DARS2: variants seen among roughly 807,000 people sequenced by gnomAD.
The protein encoded by DARS2 is aspartate--tRNA ligase, mitochondrial.
In DARS2, 63 loss-of-function variants were observed where a neutral mutation model predicts 83.0. The ratio of observed to expected loss-of-function variants is 0.76; its 90% CI spans 0.62 to 0.94. The LOEUF (loss-of-function observed/expected upper bound fraction) is 0.94, where lower values mean the gene tolerates loss of function less well. Ranked by LOEUF, DARS2 falls within the 40% of genes least tolerant of loss-of-function variation. The pLI, the probability that DARS2 is intolerant of heterozygous loss-of-function variation, is 0.00. For missense variants in DARS2, 675 were observed against 774.4 expected (o/e 0.87, Z 1.52); for synonymous variants, 250 against 269.3 (o/e 0.93, Z 0.70).
intron 1 of DARS2, 51 bp from the exon 2 acceptor site, chr1:173,826,636 T>A: frequency 7.4e-7 from 1 of 1,343,980 alleles, no homozygotes; most frequent in Non-Finnish European, 1.0e-6. Context: ...CTGCAAGTGA[T>A]GTATTTTTAA....
Position 173,857,586 on chromosome 1 carries a change from T to A in DARS2, c.1819T>A (p.Ser607Thr). Reference protein sequence around the residue: ...SIRDVIAFPKSFRGHDLMSNT... With the variant: ...SIRDVIAFPKTFRGHDLMSNT... ...CAGAGATGTCATAGCCTTCCCAAAG[T>A]CCTTCCGGGGACATGACCTCATGAG... The change falls in exon 17 of 17, where the codon TCC becomes ACC. Residue 607 changes from serine to threonine, a missense_variant. Physicochemically the swap from Ser to Thr is moderately conservative, Grantham distance 58. Transcript: ENST00000649689. 6.2e-7 allele frequency: 1 copy of A among 1,614,180 alleles called. No homozygotes were observed. The highest frequency in any genetic ancestry group is 8.5e-7 in the Non-Finnish European group (1 of 1,180,026).
At chr1:173,855,738 C>T (rs1244809206) in intron 15 of DARS2, among the ~76,000 whole-genome samples, 16 of 152,014 alleles carry the variant, frequency 1.1e-4, no homozygotes, top group Admixed American at 9.8e-4. Flanking sequence ...CTGCAACCTC[C>T]GCCTCCCAGG....
chr1:173,844,232 A>G (rs74924413), intron 11 of DARS2, among the ~76,000 whole-genome samples: 2,089 of 152,322 alleles, frequency 0.014, 49 homozygotes, highest in African/African-American at 0.046. Flanking sequence ...AGATTTTAAG[A>G]AACCTCAAAT....
rs1469160736 is a variant in DARS2 at position 173,833,433 on chromosome 1, C to A, written c.550C>A (p.Gln184Lys). 6 of 1,613,892 alleles carry A rather than the reference C, an allele frequency of 3.7e-6. No individual in the cohort carries two copies. The highest frequency in any genetic ancestry group is 1.6e-4 in the Middle Eastern group (1 of 6,062). The change falls in exon 6 of 17, where the codon CAG becomes AAG. Residue 184 changes from glutamine to lysine, a missense_variant. By Grantham distance (53) the Gln-to-Lys change is moderately conservative. Transcript: ENST00000649689. ...CTTAGACTTGCGTAGTTTCCAAATG[C>A]AGTATAACCTGCGACTGAGGTCCCA... ...RYLDLRSFQM[Q>K]YNLRLRSQMV...
At chr1:173,844,955 G>C (rs1188846186) in intron 11 of DARS2, among the ~76,000 whole-genome samples, 1 of 151,122 alleles carries the variant, frequency 6.6e-6, no homozygotes, top group African/African-American at 2.4e-5. Context: ...CACCATACCA[G>C]ACTAATTTTT....
At position 173,857,998 on chromosome 1, in the gene DARS2, A is replaced by G; in HGVS notation, c.*293A>G. The G allele has an allele frequency of 2.5e-6, 1 of 400,462 alleles. No homozygotes were observed. Among genetic ancestry groups the G allele is most frequent in the East Asian group, 5.5e-5 (1 of 18,062 alleles). The allele number at this position is 400,462 out of a possible 1,614,324, so 24.8% of individuals were successfully genotyped here. ...ATAATATAGTGGTTTAGTGTTTTCAAATCATGTTTCTCATACCCAGATAGT... is the reference window on the plus strand; with the variant it reads ...ATAATATAGTGGTTTAGTGTTTTCAGATCATGTTTCTCATACCCAGATAGT... On this transcript the variant is annotated 3_prime_UTR_variant, in exon 17 of 17. Transcript: ENST00000649689.
At chr1:173,826,453 AAC>A (rs972054106) in intron 1 of DARS2, among the ~76,000 whole-genome samples, 4 of 152,182 alleles carry the variant, frequency 2.6e-5, no homozygotes, top group African/African-American at 9.6e-5. Context: ...TTGATTTCCT[AAC>A]ACAAGACAGA....
intron 7 of DARS2, among the ~76,000 whole-genome samples, chr1:173,836,521 T>G (rs1490417285): frequency 6.6e-6 from 1 of 150,416 alleles, no homozygotes; most frequent in Non-Finnish European, 1.5e-5. Flanking sequence ...CCAGCCTGGG[T>G]GACAAGAGCA....
In DARS2 at chr1:173,825,239, C is replaced by T; in HGVS notation, c.10C>T (p.Pro4Ser). The change falls in exon 1 of 17, where the codon CCT becomes TCT. Residue 4 changes from proline (P) to serine (S), a missense_variant. Coordinates refer to ENST00000649689, the MANE Select transcript of DARS2 (RefSeq NM_018122.5). ...ATCGTGTGGCTCCAACATGTACTTC[C>T]CTTCTTGGTTAAGTCAGCTGTACAG... is the stretch of plus-strand genomic sequence containing the variant. MYF[P>S]SWLSQLYRGL... is the part of the protein sequence containing the mutation. 6.2e-7 allele frequency: 1 copy of T among 1,612,572 alleles called. No individual in the cohort carries two copies. The highest frequency in any genetic ancestry group is 1.1e-5 in the South Asian group (1 of 91,066).
rs1653753933 is a variant in DARS2, at chr1:173,853,543, T to C, written c.1539T>C (p.His513=). 6.2e-7 allele frequency: 1 copy of C among 1,613,666 alleles called. No homozygotes were observed. Among genetic ancestry groups the C allele is most frequent in the Non-Finnish European group, 8.5e-7 (1 of 1,179,978 alleles). The change falls in exon 14 of 17, where the codon CAT becomes CAC. Residue 513 remains histidine (H), a synonymous_variant. Coordinates refer to ENST00000649689, the MANE Select transcript of DARS2 (RefSeq NM_018122.5). ...CTGCTCCCCACCCCAGTGACATACA[T>C]CTCCTGTACACTGAGCCCAAAAAGG... ...PFTAPHPSDI[H]LLYTEPKKAR... is the part of the protein sequence containing the mutation.
At chr1:173,826,544 C>A in intron 1 of DARS2, 143 bp from the exon 2 acceptor site, 6 of 643,482 alleles carry the variant, frequency 9.3e-6, no homozygotes, top group Non-Finnish European at 2.7e-6. Flanking sequence ...ATTACATACT[C>A]TGACTTATTT....
chr1:173,826,741 A>G lies in DARS2; in HGVS notation c.182A>G (p.His61Arg). 1 of 1,611,158 alleles carries G rather than the reference A, an allele frequency of 6.2e-7. No individual in the cohort carries two copies. Among genetic ancestry groups the G allele is most frequent in the Admixed American group, 1.7e-5 (1 of 59,542 alleles). The change falls in exon 2 of 17, where the codon CAC (histidine) becomes CGC (arginine). Residue 61 changes from histidine (H) to arginine (R), a missense_variant. By Grantham distance (29) the His-to-Arg change is conservative. Coordinates refer to ENST00000649689, the MANE Select transcript of DARS2 (RefSeq NM_018122.5). Reference protein sequence around the residue: ...TNTCGELRSSHLGQEVTLCGW... With the variant: ...TNTCGELRSSRLGQEVTLCGW... ...ACATGTGGAGAGTTGCGTTCGTCTCACTTAGGCCAAGAAGTCACCTTGTGT... is the reference window on the plus strand; with the variant it reads ...ACATGTGGAGAGTTGCGTTCGTCTCGCTTAGGCCAAGAAGTCACCTTGTGT...
At chr1:173,829,273 C>G (rs1478978129) in intron 3 of DARS2, among the ~76,000 whole-genome samples, 2 of 151,424 alleles carry the variant, frequency 1.3e-5, no homozygotes, top group Non-Finnish European at 2.9e-5. Context: ...GGAAGGATAC[C>G]TAAGTATCTG....
chr1:173,841,244 G>T (rs940965511), intron 11 of DARS2, among the ~76,000 whole-genome samples: 2 of 152,074 alleles, frequency 1.3e-5, no homozygotes, highest in Non-Finnish European at 2.9e-5. Context: ...AGGCGTGGTG[G>T]CATGTGCCTG....
intron 11 of DARS2, among the ~76,000 whole-genome samples, chr1:173,843,800 A>C (rs1653320625): frequency 2.0e-5 from 3 of 152,212 alleles, no homozygotes; most frequent in Admixed American, 2.0e-4. Flanking sequence ...AGGTCCCTCG[A>C]TGCTAGAGGG....
chr1:173,828,268 T>C, intron 2 of DARS2, 65 bp from the exon 3 acceptor site: 1 of 1,494,654 alleles, frequency 6.7e-7, no homozygotes, highest in Non-Finnish European at 9.3e-7. Context: ...TTATTTTGTA[T>C]GCTTCAACTT....
At chr1:173,830,602 C>T (rs1652759576) in intron 3 of DARS2, 58 bp from the exon 4 acceptor site, 1 of 1,369,400 alleles carries the variant, frequency 7.3e-7, no homozygotes, top group South Asian at 1.2e-5. Context: ...CTTATAATTA[C>T]TGAAGATTCC....
At chr1:173,835,677 G>A in intron 7 of DARS2, among the ~76,000 whole-genome samples, 1 of 152,104 alleles carries the variant, frequency 6.6e-6, no homozygotes, top group Non-Finnish European at 1.5e-5. Context: ...GGAGGCCAAG[G>A]TGGGCAGATC....
intron 12 of DARS2, among the ~76,000 whole-genome samples, chr1:173,850,092 T>C (rs1245672082): frequency 6.6e-6 from 1 of 151,766 alleles, no homozygotes; most frequent in Non-Finnish European, 1.5e-5. Flanking sequence ...CCTGAGGTGA[T>C]CCACCCACCT....
Sources: allele counts gnomAD v4.1 joint callset (sites outside exome capture counted in the v4.1 genomes callset), GRCh38; gene constraint gnomAD v4.1.1; transcripts MANE v1.5; gene names NCBI Gene and HGNC (gene_info 2026-07-23, HGNC 2026-07-21).